GABRA2: variants seen among roughly 807,000 people sequenced by gnomAD.
The protein encoded by GABRA2 is gamma-aminobutyric acid receptor subunit alpha-2.
GABRA2 carries 16 observed loss-of-function variants against 48.7 expected under a neutral mutation model. The observed-to-expected ratio is 0.33, with a 90% CI of 0.22 to 0.50. GABRA2 has a LOEUF of 0.50. Ranked by LOEUF, GABRA2 falls within the 20% of genes least tolerant of loss-of-function variation. The probability of loss-of-function intolerance (pLI) is 0.98; values close to 1 mark genes in which losing one functional copy is unlikely to be tolerated. For synonymous variants in GABRA2, 185 were observed against 184.5 expected, an observed-to-expected ratio of 1.00 and a Z score of -0.02; for missense variants, 275 against 535.6, an observed-to-expected ratio of 0.51 and a Z score of 4.80.
chr4:46,269,109 GT>G (rs543130607), intron 8 of GABRA2, among the ~76,000 whole-genome samples: 300 of 151,860 alleles, frequency 2.0e-3, no homozygotes, highest in African/African-American at 6.7e-3. Context: ...TAATTTTGAT[GT>G]TTTTTTGAGA....
chr4:46,271,660 A>G (rs1719358272), intron 8 of GABRA2, among the ~76,000 whole-genome samples: 1 of 151,986 alleles, frequency 6.6e-6, no homozygotes. Context: ...GAATAAAGAA[A>G]CAATTATGAT....
chr4:46,262,935 G>GA (rs1553899139), intron 8 of GABRA2, among the ~76,000 whole-genome samples: 4 of 140,170 alleles, frequency 2.9e-5, no homozygotes, highest in African/African-American at 1.1e-4. Flanking sequence ...GAGAAAGAAA[G>GA]AAGAAAGAAA....
At chr4:46,278,353 A>G (rs546466206) in intron 8 of GABRA2, among the ~76,000 whole-genome samples, 6 of 152,306 alleles carry the variant, frequency 3.9e-5, no homozygotes, top group Admixed American at 2.0e-4. Flanking sequence ...TATGCTGTAC[A>G]TCAATTTAAA....
chr4:46,252,672 T>C (rs1481392458), intron 9 of GABRA2, among the ~76,000 whole-genome samples: 1 of 151,468 alleles, frequency 6.6e-6, no homozygotes, highest in African/African-American at 2.4e-5. Flanking sequence ...AATATTCTTG[T>C]TGAGGTTTAT....
Position 46,353,169 on chromosome 4 carries a change from C to G in GABRA2, c.188-20487G>C, listed in dbSNP as rs190556619. Among the ~76,000 whole-genome samples, 10 of 152,174 alleles carry G rather than the reference C, an allele frequency of 6.6e-5. No homozygotes were observed. The East Asian group carries it at 1.7e-3, about 27-fold the overall frequency. On this transcript the variant is annotated intron_variant, in intron 3 of 9. Transcript: ENST00000381620. ...ATCCTTCCTGATGCTTAAGCCAAAGCCTTGTAATTATCCTTGACTTTCCTC... is the reference window on the plus strand; with the variant it reads ...ATCCTTCCTGATGCTTAAGCCAAAGGCTTGTAATTATCCTTGACTTTCCTC...
intron 3 of GABRA2, among the ~76,000 whole-genome samples, chr4:46,348,935 A>G (rs1393203980): frequency 1.1e-5 from 1 of 89,646 alleles, no homozygotes; most frequent in Non-Finnish European, 2.2e-5. Flanking sequence ...TAATAATAAA[A>G]TTTAAAAAAA....
chr4:46,325,492 T>C (rs1000343648), intron 4 of GABRA2, among the ~76,000 whole-genome samples: 2 of 152,008 alleles, frequency 1.3e-5, no homozygotes, highest in African/African-American at 2.4e-5. Flanking sequence ...GTTGGATGCA[T>C]AGTTCAAAAA....
intron 3 of GABRA2, among the ~76,000 whole-genome samples, chr4:46,381,712 T>A (rs1716779959): frequency 1.3e-5 from 2 of 152,124 alleles, no homozygotes; most frequent in African/African-American, 4.8e-5. Flanking sequence ...GATGAGTAAA[T>A]TAAGTCATAG....
chr4:46,386,395 A>T (rs568291543), intron 2 of GABRA2, among the ~76,000 whole-genome samples: 1 of 152,310 alleles, frequency 6.6e-6, no homozygotes, highest in African/African-American at 2.4e-5. Flanking sequence ...ATAGTAGATT[A>T]TCAGAAGTTT....
At chr4:46,359,233 A>G (rs567435585) in intron 3 of GABRA2, among the ~76,000 whole-genome samples, 1 of 152,320 alleles carries the variant, frequency 6.6e-6, no homozygotes, top group East Asian at 1.9e-4. Flanking sequence ...AAACTAAATC[A>G]TTATGGGACC....
chr4:46,285,706 T>A (rs1722425486), intron 8 of GABRA2, among the ~76,000 whole-genome samples: 1 of 152,092 alleles, frequency 6.6e-6, no homozygotes, highest in Non-Finnish European at 1.5e-5. Context: ...TTTATTACTA[T>A]ATAACTATTC....
At chr4:46,327,496 A>G (rs1185385294) in intron 4 of GABRA2, among the ~76,000 whole-genome samples, 1 of 152,022 alleles carries the variant, frequency 6.6e-6, no homozygotes, top group Non-Finnish European at 1.5e-5. Context: ...CTTTAAAGGG[A>G]GTAAACATCA....
At chr4:46,321,062 C>T (rs1376808464) in intron 4 of GABRA2, among the ~76,000 whole-genome samples, 1 of 151,778 alleles carries the variant, frequency 6.6e-6, no homozygotes, top group African/African-American at 2.4e-5. Flanking sequence ...AAGGAGATCC[C>T]ATCATTTGCA....
rs377004281 is a variant in GABRA2, at chr4:46,374,074, T to C, written c.187+12000A>G. On this transcript the variant is annotated intron_variant, in intron 3 of 9. Transcript: ENST00000381620. The stretch of plus-strand genomic sequence containing the variant: ...GAAGAGTTTCTCTATATGATCACAG[T>C]AACAACAGTGAATTTGTTCTATTTA... Among the ~76,000 whole-genome samples, 42 of 152,270 alleles carry C rather than the reference T, an allele frequency of 2.8e-4. 1 individual carries two copies. In the Middle Eastern group the frequency reaches 0.014, roughly 49 times the overall value.
chr4:46,338,520 A>T (rs951853895), intron 3 of GABRA2, among the ~76,000 whole-genome samples: 2 of 151,950 alleles, frequency 1.3e-5, no homozygotes, highest in Non-Finnish European at 2.9e-5. Context: ...TTATTATTTT[A>T]AAAAGCTTAT....
intron 8 of GABRA2, among the ~76,000 whole-genome samples, chr4:46,269,852 T>A (rs1236898963): frequency 2.0e-5 from 3 of 151,928 alleles, no homozygotes; most frequent in Non-Finnish European, 4.4e-5. Context: ...TATTATATTC[T>A]TTTTCTGCAG....
chr4:46,283,125 G>A (rs111707886), intron 8 of GABRA2, among the ~76,000 whole-genome samples: 1,933 of 152,202 alleles, frequency 0.013, 46 homozygotes, highest in African/African-American at 0.043. Flanking sequence ...TAGTCAACCC[G>A]TGAGAGTAGA....
chr4:46,312,218 T>A (rs1444517112), intron 5 of GABRA2, among the ~76,000 whole-genome samples: 2 of 129,782 alleles, frequency 1.5e-5, no homozygotes, highest in Non-Finnish European at 3.2e-5. Context: ...ATTAAAAATG[T>A]ACTTAATAAA....
intron 3 of GABRA2, among the ~76,000 whole-genome samples, chr4:46,353,290 A>G (rs1424439397): frequency 6.6e-6 from 1 of 151,974 alleles, no homozygotes; most frequent in African/African-American, 2.4e-5. Flanking sequence ...TACTGCTCCC[A>G]CCCTGGTCCA....
Sources: gnomAD v4.1 joint callset for allele counts (sites outside exome capture counted in the v4.1 genomes callset) on GRCh38, gnomAD v4.1.1 for gene constraint, MANE v1.5 for transcripts, NCBI Gene and HGNC (gene_info 2026-07-23, HGNC 2026-07-21) for gene names.